HDAC7: variants seen among roughly 807,000 people sequenced by gnomAD.
HDAC7 encodes histone deacetylase 7A.
In HDAC7, 26 loss-of-function variants were observed where a neutral mutation model predicts 115.5. The observed-to-expected ratio is 0.23, with a 90% CI of 0.16 to 0.31. The LOEUF (loss-of-function observed/expected upper bound fraction) is 0.31, where lower values mean the gene tolerates loss of function less well. HDAC7 is among the 10% of genes least tolerant of loss of function. The probability of loss-of-function intolerance (pLI) is 1.00; values close to 1 mark genes in which losing one functional copy is unlikely to be tolerated. For synonymous variants in HDAC7, 564 were observed against 550.9 expected (o/e 1.02, Z -0.33); for missense variants, 1,068 against 1,329.0 (o/e 0.80, Z 3.05).
In HDAC7 at chr12:47,798,933, G is replaced by A. The variant is rs573840781; in HGVS notation, c.110C>T (p.Pro37Leu). The change falls in exon 3 of 26, where the codon CCG becomes CTG. Residue 37 changes from proline to leucine, a missense_variant. Pro to Leu is a moderately conservative substitution (Grantham distance 98). Coordinates refer to ENST00000080059, the MANE Select transcript of HDAC7 (RefSeq NM_015401.5). The surrounding 1 kb of genome is among the most constrained non-coding windows in gnomAD (Gnocchi z 4.3). Reference protein sequence around the residue: ...RPCADTPGPQPQPMDLRVGQR... With the variant: ...RPCADTPGPQLQPMDLRVGQR... ...GCCCACCCGCAGGTCCATGGGCTGC[G>A]GCTGAGGGCCTGGTGTGTCTGCACA... 55 of 1,526,660 alleles carry A rather than the reference G, an allele frequency of 3.6e-5. No homozygotes were observed. The East Asian group carries it at 3.7e-4, about 10-fold the overall frequency. The allele number at this position is 1,526,660 out of a possible 1,614,324, so 94.6% of individuals were successfully genotyped here.
At chr12:47,801,556 A>G (rs1944165561) in intron 2 of HDAC7, among the ~76,000 whole-genome samples, 1 of 152,142 alleles carries the variant, frequency 6.6e-6, no homozygotes, top group African/African-American at 2.4e-5. Context: ...AGCAAGGAGG[A>G]TACCTGGGTT....
At chr12:47,806,213 C>G (rs1399401442) in intron 1 of HDAC7, among the ~76,000 whole-genome samples, 1 of 152,246 alleles carries the variant, frequency 6.6e-6, no homozygotes, top group Non-Finnish European at 1.5e-5. Context: ...CACATGAAGT[C>G]TGGCAGGCCA....
At chr12:47,790,717 A>T in intron 16 of HDAC7, 1 of 165,120 alleles carries the variant, frequency 6.1e-6, no homozygotes, top group South Asian at 1.5e-4. Context: ...GCTGAGCCGG[A>T]GGGAGCGGGA....
intron 24 of HDAC7, chr12:47,784,890 C>T (rs1038117262): frequency 1.1e-6 from 1 of 890,548 alleles, no homozygotes; most frequent in Non-Finnish European, 1.7e-6. Context: ...CTATTTTACT[C>T]ATTTTTATCC....
rs1942928731 is a variant in HDAC7, at chr12:47,782,754, T to A, written c.*1087A>T. 6.6e-6 allele frequency: 1 copy of A among 151,522 alleles called. No homozygotes were observed. The highest frequency in any genetic ancestry group is 2.4e-5 in the African/African-American group (1 of 41,252). 9.4% of individuals were successfully genotyped at this position (151,522 alleles called of 1,614,324 possible). On this transcript the variant is annotated 3_prime_UTR_variant, in exon 26 of 26. Coordinates refer to ENST00000080059, the MANE Select transcript of HDAC7 (RefSeq NM_015401.5). ...GCAAATAAAACATTTATTGTTCAGATTTTTTTCCATTTTCTTCCTTTTTAC... is the reference window on the plus strand; with the variant it reads ...GCAAATAAAACATTTATTGTTCAGAATTTTTTCCATTTTCTTCCTTTTTAC...
chr12:47,797,291 G>GGGCCCCCC lies in HDAC7; in HGVS notation c.577+92_577+93insGGGGGGCC. 11 of 1,336,102 alleles carry GGGCCCCCC rather than the reference G, an allele frequency of 8.2e-6. No homozygotes were observed. The highest frequency in any genetic ancestry group is 1.5e-5 in the African/African-American group (1 of 68,674). 82.8% of individuals were successfully genotyped at this position (1,336,102 alleles called of 1,614,324 possible). On this transcript the variant is annotated intron_variant, in intron 6 of 25. Transcript: ENST00000080059. This position sits in a 1 kb window ranked among gnomAD's most constrained non-coding sequence, Gnocchi z 5.5. ...AGCCTACCGATGATCTCCTGGCCCA[G>GGGCCCCCC]CCCAGCCCGCCCACCCCTGCACACT...
At position 47,798,246 on chromosome 12, in the gene HDAC7, T is replaced by C. The variant is rs1483803614; in HGVS notation, c.350-27A>G. 2 of 1,554,770 alleles carry C rather than the reference T, an allele frequency of 1.3e-6. No individual in the cohort carries two copies. The highest frequency in any genetic ancestry group is 2.7e-5 in the African/African-American group (2 of 73,680). On this transcript the variant is annotated intron_variant, in intron 4 of 25. Coordinates refer to ENST00000080059, the MANE Select transcript of HDAC7 (RefSeq NM_015401.5). This position sits in a 1 kb window ranked among gnomAD's most constrained non-coding sequence, Gnocchi z 4.3. ...TGTAGGGGCAGAGTCAGGAGGGGGCTGGAGGTGGGTGGACAGGCGGCCTCG... is the reference window on the plus strand; with the variant it reads ...TGTAGGGGCAGAGTCAGGAGGGGGCCGGAGGTGGGTGGACAGGCGGCCTCG...
chr12:47,794,852 C>T lies in HDAC7; in HGVS notation c.1366G>A (p.Gly456Ser). Residue 456 changes from glycine (G) to serine (S), a missense_variant, in exon 12 of 26, where the codon GGC becomes AGC. Gly to Ser is a moderately conservative substitution (Grantham distance 56). Transcript: ENST00000080059. ...TCCAGGCCATCGTCCACCACCTGGC[C>T]CGGTCCCCCGCCATCTGTCTCCAGG... is the stretch of plus-strand genomic sequence containing the variant. ...EDLETDGGGP[G>S]QVVDDGLEHR... 3.1e-6 allele frequency: 5 copies of T among 1,613,348 alleles called. No individual in the cohort carries two copies. The highest frequency in any genetic ancestry group is 4.2e-6 in the Non-Finnish European group (5 of 1,179,980).
At position 47,792,017 on chromosome 12, in the gene HDAC7, G is replaced by T. The variant is rs780522327; in HGVS notation, c.1679-13C>A. ...TCATAGATCAGCCCTGCAGGAGCAA[G>T]GGTCAGAGCGGGGACCCAGGGAGTC... On this transcript the variant is annotated splice_polypyrimidine_tract_variant and intron_variant, in intron 13 of 25. Coordinates refer to ENST00000080059, the MANE Select transcript of HDAC7 (RefSeq NM_015401.5). 4 of 1,594,120 alleles carry T rather than the reference G, an allele frequency of 2.5e-6. No homozygotes were observed. The highest frequency in any genetic ancestry group is 3.4e-6 in the Non-Finnish European group (4 of 1,166,866).
intron 24 of HDAC7, chr12:47,784,705 G>A: frequency 6.5e-7 from 1 of 1,535,198 alleles, no homozygotes; most frequent in Non-Finnish European, 8.7e-7. Flanking sequence ...CATCACCACG[G>A]CCGCTCTGCA....
upstream of HDAC7, among the ~76,000 whole-genome samples, chr12:47,821,034 G>C (rs1945006207): frequency 6.6e-6 from 1 of 152,208 alleles, no homozygotes; most frequent in Non-Finnish European, 1.5e-5. Context: ...CTCCTAGGAA[G>C]GGGAGAGGTC....
chr12:47,813,498 A>C (rs2137065994), intron 1 of HDAC7: 1 of 152,500 alleles, frequency 6.6e-6, no homozygotes, highest in African/African-American at 2.4e-5. Flanking sequence ...TCCTGCAGGG[A>C]GGAAGCTGAA....
intron 21 of HDAC7, 73 bp from the exon 22 acceptor site, chr12:47,786,776 T>C (rs952374680): frequency 8.7e-7 from 1 of 1,147,268 alleles, no homozygotes. Context: ...AACTTTGCGG[T>C]GGGGCACCCT....
At position 47,809,511 on chromosome 12, in the gene HDAC7, G is replaced by C. The variant is rs1001066989; in HGVS notation, c.20-7237C>G. 2.0e-5 allele frequency among the ~76,000 whole-genome samples: 3 copies of C among 152,112 alleles called. No individual in the cohort carries two copies. In the East Asian group the frequency reaches 5.8e-4, roughly 29 times the overall value. ...CATGTGTTAATGCTTACTGTGTGCT[G>C]GCTATTATCCTAGGCATTTTTGGCG... On this transcript the variant is annotated intron_variant, in intron 1 of 25. Coordinates refer to ENST00000080059, the MANE Select transcript of HDAC7 (RefSeq NM_015401.5).
At position 47,794,906 on chromosome 12, in the gene HDAC7, G is replaced by A. The variant is rs139027593; in HGVS notation, c.1312C>T (p.Arg438Trp). ...KRSAKPSEKPRLRQIPSAEDL... is the reference protein window; with the variant it reads ...KRSAKPSEKPWLRQIPSAEDL... The stretch of plus-strand genomic sequence containing the variant: ...TCAGCCGAGGGTATCTGCCGCAGCC[G>A]GGGCTTCTCACTCGGCTTGGCTGAC... Residue 438 changes from arginine (R) to tryptophan (W), a missense_variant, in exon 12 of 26, where the codon CGG becomes TGG. Around this residue, in one of 6 missense-constraint regions of HDAC7, gnomAD observed 618 missense variants for 701.5 expected, o/e 0.88. Transcript: ENST00000080059. 67 of 1,613,066 alleles carry A rather than the reference G, an allele frequency of 4.2e-5. No homozygotes were observed. Among genetic ancestry groups the A allele is most frequent in the Middle Eastern group, 3.3e-4 (2 of 6,054 alleles).
intron 1 of HDAC7, among the ~76,000 whole-genome samples, chr12:47,816,582 C>G (rs1944856545): frequency 6.6e-6 from 1 of 152,198 alleles, no homozygotes; most frequent in Non-Finnish European, 1.5e-5. Context: ...TCACACACAT[C>G]TCATGCAGAC....
intron 17 of HDAC7, 61 bp from the exon 18 acceptor site, chr12:47,789,639 G>T: frequency 6.4e-7 from 1 of 1,568,344 alleles, no homozygotes; most frequent in Non-Finnish European, 8.8e-7. Flanking sequence ...CTGCATGAAC[G>T]TACCCCAAGA....
chr12:47,784,243 G>T lies in HDAC7; in HGVS notation c.2792-26C>A, dbSNP rs574876803. The T allele has an allele frequency of 3.2e-5, 51 of 1,598,950 alleles. No individual in the cohort carries two copies. The South Asian group carries it at 5.6e-4, about 18-fold the overall frequency. On this transcript the variant is annotated intron_variant, in intron 24 of 25. Coordinates refer to ENST00000080059, the MANE Select transcript of HDAC7 (RefSeq NM_015401.5). The stretch of plus-strand genomic sequence containing the variant: ...CTGGGGTAAGATGCCAGGTCAGAAA[G>T]GGTTGGAGAAAGCAAGCCCCTCCAC...
chr12:47,814,543 C>T (rs1944796926), intron 1 of HDAC7, among the ~76,000 whole-genome samples: 1 of 152,218 alleles, frequency 6.6e-6, no homozygotes, highest in African/African-American at 2.4e-5. Flanking sequence ...CTGGACTCAG[C>T]CCCATGGAAG....
Sources: gnomAD v4.1 joint callset for allele counts (sites outside exome capture counted in the v4.1 genomes callset) on GRCh38, gnomAD v4.1.1 for gene constraint, gnomAD v4.1.1 regional missense constraint, Gnocchi (gnomAD v3.1) non-coding constraint, MANE v1.5 for transcripts, NCBI Gene and HGNC (gene_info 2026-07-23, HGNC 2026-07-21) for gene names.